The following GRK5 variants were observed in gnomAD, a reference collection of about 807,000 sequenced individuals.
GRK5 encodes the protein G protein-coupled receptor kinase 5, also known as g protein-coupled receptor kinase GRK5.
A neutral mutation model predicts 78.4 loss-of-function variants in GRK5; 40 were observed. The observed-to-expected ratio is 0.51, with a 90% CI of 0.40 to 0.66. The LOEUF (loss-of-function observed/expected upper bound fraction) is 0.66, where lower values mean the gene tolerates loss of function less well. Among genes scored for constraint, GRK5 ranks in the 30% least tolerant of loss-of-function variants. GRK5 has a pLI of 0.00. For missense variants in GRK5, 598 were observed against 759.9 expected (o/e 0.79, Z 2.50); for synonymous variants, 289 against 296.8 (o/e 0.97, Z 0.27).
intron 1 of GRK5, among the ~76,000 whole-genome samples, chr10:119,301,576 A>T (rs1850181585): frequency 6.6e-6 from 1 of 152,144 alleles, no homozygotes; most frequent in African/African-American, 2.4e-5. Flanking sequence ...GCCCCATCCG[A>T]TGGCTGCTGA....
intron 3 of GRK5, among the ~76,000 whole-genome samples, chr10:119,384,375 A>C (rs141731618): frequency 4.6e-5 from 7 of 152,338 alleles, no homozygotes; most frequent in African/African-American, 1.7e-4. Context: ...TGCAGCCTCC[A>C]GAGATAGGAT....
chr10:119,313,094 G>GGTGATGGTA (rs1850408543), intron 1 of GRK5, among the ~76,000 whole-genome samples: 1 of 150,136 alleles, frequency 6.7e-6, no homozygotes, highest in South Asian at 2.1e-4. Flanking sequence ...TGGTGATGGT[G>GGTGATGGTA]GTGATGGTAA....
intron 8 of GRK5, among the ~76,000 whole-genome samples, chr10:119,433,413 C>G (rs1013327567): frequency 8.5e-5 from 13 of 152,122 alleles, no homozygotes; most frequent in African/African-American, 2.9e-4. Flanking sequence ...CTGGGTGGCA[C>G]GTCTTTAAGG....
intron 4 of GRK5, among the ~76,000 whole-genome samples, chr10:119,422,462 A>G (rs1852588900): frequency 6.6e-6 from 1 of 152,174 alleles, no homozygotes; most frequent in Non-Finnish European, 1.5e-5. Flanking sequence ...TGTCTTCCTG[A>G]CAAGAGTGAG....
chr10:119,286,822 G>T (rs1291721348), intron 1 of GRK5, among the ~76,000 whole-genome samples: 1 of 152,184 alleles, frequency 6.6e-6, no homozygotes, highest in South Asian at 2.1e-4. Context: ...AAGGCCGATT[G>T]TTTTTATCTG....
At chr10:119,331,298 C>T (rs867537516) in intron 2 of GRK5, among the ~76,000 whole-genome samples, 5 of 152,168 alleles carry the variant, frequency 3.3e-5, no homozygotes, top group African/African-American at 9.7e-5. Context: ...GTGTGAGTGC[C>T]GTGGGAGAGA....
chr10:119,300,353 C>T, intron 1 of GRK5, among the ~76,000 whole-genome samples: 1 of 152,284 alleles, frequency 6.6e-6, no homozygotes, highest in South Asian at 2.1e-4. Flanking sequence ...CAACGTTTGA[C>T]CCTCAATCTA....
chr10:119,248,672 G>T (rs532864463), intron 1 of GRK5, among the ~76,000 whole-genome samples: 17 of 152,100 alleles, frequency 1.1e-4, no homozygotes, highest in Admixed American at 7.2e-4. Context: ...TGTAGGGCCT[G>T]TGAGGCAAGA....
intron 2 of GRK5, chr10:119,333,763 A>G (rs1850825246): frequency 1.9e-6 from 1 of 532,658 alleles, no homozygotes; most frequent in Non-Finnish European, 3.8e-6. Context: ...CATGCTGTCC[A>G]CGGGGGAGCT....
chr10:119,341,130 C>T (rs1367803675), intron 2 of GRK5, among the ~76,000 whole-genome samples: 4 of 152,144 alleles, frequency 2.6e-5, no homozygotes, highest in South Asian at 4.1e-4. Flanking sequence ...CTGCCCCTCT[C>T]GCCCCATCTC....
At chr10:119,239,294 G>A (rs1848982736) in intron 1 of GRK5, among the ~76,000 whole-genome samples, 1 of 151,530 alleles carries the variant, frequency 6.6e-6, no homozygotes, top group South Asian at 2.1e-4. Flanking sequence ...GAGTACAGTG[G>A]TGCAATCTCA....
intron 1 of GRK5, among the ~76,000 whole-genome samples, chr10:119,299,347 C>G (rs73445462): frequency 1.3e-5 from 2 of 151,540 alleles, no homozygotes; most frequent in Non-Finnish European, 2.9e-5. Context: ...GCAGGAAAAT[C>G]GCTTAAACCT....
intron 2 of GRK5, among the ~76,000 whole-genome samples, chr10:119,366,729 G>C (rs1399924661): frequency 6.6e-6 from 1 of 152,098 alleles, no homozygotes; most frequent in Non-Finnish European, 1.5e-5. Flanking sequence ...AGGTGACAGG[G>C]GTGCCTCCTC....
At chr10:119,344,898 C>CTTCA in intron 2 of GRK5, among the ~76,000 whole-genome samples, 1 of 143,260 alleles carries the variant, frequency 7.0e-6, no homozygotes, top group African/African-American at 2.6e-5. Flanking sequence ...TCCTTCCTTC[C>CTTCA]TTCCTTCCTT....
intron 1 of GRK5, among the ~76,000 whole-genome samples, chr10:119,293,938 A>G (rs1302560014): frequency 6.6e-6 from 1 of 152,158 alleles, no homozygotes; most frequent in Non-Finnish European, 1.5e-5. Context: ...GATGCTTGAC[A>G]ATCACCTGCT....
intron 11 of GRK5, 104 bp from the exon 12 acceptor site, chr10:119,443,440 T>G: frequency 1.0e-6 from 1 of 982,046 alleles, no homozygotes; most frequent in Non-Finnish European, 1.5e-6. Flanking sequence ...CAGCAGTTGG[T>G]GGGGTAAGAG....
chr10:119,459,037 G>C lies in GRK5; in HGVS notation c.*3970G>C, dbSNP rs1853443254. On this transcript the variant is annotated 3_prime_UTR_variant, in exon 16 of 16. Transcript: ENST00000392870. ...TGAATACCTGTACTTCCAAGAGGTG[G>C]TCTCCTGTTTTCATAACCCAACACT... 2.0e-5 allele frequency: 3 copies of C among 152,238 alleles called. No homozygotes were observed. The highest frequency in any genetic ancestry group is 7.2e-5 in the African/African-American group (3 of 41,450). The allele number at this position is 152,238 out of a possible 1,614,324, so 9.4% of individuals were successfully genotyped here.
chr10:119,337,978 G>T (rs1344005751), intron 2 of GRK5, among the ~76,000 whole-genome samples: 3 of 152,112 alleles, frequency 2.0e-5, no homozygotes, highest in East Asian at 1.9e-4. Context: ...CCACCCTAAT[G>T]ACCTCATTTT....
chr10:119,310,084 T>C (rs967620564), intron 1 of GRK5, among the ~76,000 whole-genome samples: 40 of 152,188 alleles, frequency 2.6e-4, no homozygotes, highest in African/African-American at 8.7e-4. Context: ...TGGTAATTAA[T>C]GTACCTGAGT....
Sources: gnomAD v4.1 joint callset for allele counts (sites outside exome capture counted in the v4.1 genomes callset) on GRCh38, gnomAD v4.1.1 for gene constraint, MANE v1.5 for transcripts, NCBI Gene and HGNC (gene_info 2026-07-23, HGNC 2026-07-21) for gene names.